JAZF1: variants seen among roughly 807,000 people sequenced by gnomAD.
JAZF1 encodes the protein juxtaposed with another zinc finger protein 1.
JAZF1 carries 8 observed loss-of-function variants against 26.4 expected under a neutral mutation model. The observed-to-expected ratio is 0.30, with a 90% CI of 0.18 to 0.55. JAZF1 has a LOEUF of 0.55. Ranked by LOEUF, JAZF1 falls within the 20% of genes least tolerant of loss-of-function variation. The pLI is 0.94. For synonymous variants in JAZF1, 126 were observed against 122.3 expected, an observed-to-expected ratio of 1.03 and a Z score of -0.20; for missense variants, 199 against 322.0, an observed-to-expected ratio of 0.62 and a Z score of 2.92.
intron 2 of JAZF1, among the ~76,000 whole-genome samples, chr7:27,920,083 C>T (rs1784503896): frequency 6.6e-6 from 1 of 152,148 alleles, no homozygotes; most frequent in Non-Finnish European, 1.5e-5. Context: ...CAAAACTAAT[C>T]CACATTATTG....
At chr7:28,072,184 G>A (rs1453292662) in intron 1 of JAZF1, among the ~76,000 whole-genome samples, 1 of 152,180 alleles carries the variant, frequency 6.6e-6, no homozygotes, top group Non-Finnish European at 1.5e-5. Context: ...CCTTGCATCT[G>A]TTATAATTGC....
At chr7:27,918,701 T>C (rs1402094936) in intron 2 of JAZF1, among the ~76,000 whole-genome samples, 1 of 152,188 alleles carries the variant, frequency 6.6e-6, no homozygotes, top group Non-Finnish European at 1.5e-5. Flanking sequence ...TCATTAACTG[T>C]GCTTGTGGCA....
At chr7:28,060,085 T>G (rs1270604939) in intron 1 of JAZF1, among the ~76,000 whole-genome samples, 3 of 152,224 alleles carry the variant, frequency 2.0e-5, no homozygotes, top group Non-Finnish European at 4.4e-5. Context: ...TCTCCTAGCT[T>G]ATTAATTCTT....
chr7:27,887,861 A>AATAAGTGGCTGC (rs1783896479), intron 3 of JAZF1, among the ~76,000 whole-genome samples: 2 of 152,342 alleles, frequency 1.3e-5, no homozygotes, highest in South Asian at 4.1e-4. Flanking sequence ...AGAGATTAAA[A>AATAAGTGGCTGC]ATAAGTGGCT....
intron 2 of JAZF1, among the ~76,000 whole-genome samples, chr7:27,910,004 G>A (rs1443925974): frequency 2.0e-5 from 3 of 152,214 alleles, no homozygotes; most frequent in Middle Eastern, 3.4e-3. Context: ...ATAACCGCAG[G>A]GACACAACAC....
intron 1 of JAZF1, among the ~76,000 whole-genome samples, chr7:28,117,064 T>G (rs1227317876): frequency 1.3e-5 from 2 of 152,204 alleles, no homozygotes; most frequent in Non-Finnish European, 2.9e-5. Flanking sequence ...CCTCAGATGA[T>G]CCACCCGCCT....
At chr7:28,137,680 T>G (rs1333142654) in intron 1 of JAZF1, among the ~76,000 whole-genome samples, 1 of 152,150 alleles carries the variant, frequency 6.6e-6, no homozygotes, top group African/African-American at 2.4e-5. Flanking sequence ...TCTCCACAGA[T>G]GCCGTTTCTT....
chr7:28,145,528 A>T (rs1783014564), intron 1 of JAZF1, among the ~76,000 whole-genome samples: 1 of 152,218 alleles, frequency 6.6e-6, no homozygotes, highest in Non-Finnish European at 1.5e-5. Flanking sequence ...GCATCCAACA[A>T]ATAATAACAA....
chr7:27,991,363 C>A (rs751267013), intron 2 of JAZF1, among the ~76,000 whole-genome samples: 2 of 152,124 alleles, frequency 1.3e-5, no homozygotes, highest in Non-Finnish European at 2.9e-5. Context: ...CTCTTTTAGA[C>A]CTGATATATC....
chr7:28,069,839 C>T (rs1019009452), intron 1 of JAZF1, among the ~76,000 whole-genome samples: 1 of 152,114 alleles, frequency 6.6e-6, no homozygotes, highest in African/African-American at 2.4e-5. Flanking sequence ...ACTCATGCCC[C>T]CAAGTTTGAA....
At chr7:28,060,611 A>T (rs1187667167) in intron 1 of JAZF1, among the ~76,000 whole-genome samples, 1 of 152,138 alleles carries the variant, frequency 6.6e-6, no homozygotes, top group African/African-American at 2.4e-5. Flanking sequence ...GAGGAGATTT[A>T]TTTTTTGCTC....
At chr7:28,067,729 T>C (rs745929817) in intron 1 of JAZF1, among the ~76,000 whole-genome samples, 2 of 152,184 alleles carry the variant, frequency 1.3e-5, no homozygotes, top group Non-Finnish European at 2.9e-5. Context: ...TAAATCTCAG[T>C]GTCAAAATAG....
chr7:27,993,974 C>T (rs1271954002), intron 1 of JAZF1, among the ~76,000 whole-genome samples: 1 of 152,074 alleles, frequency 6.6e-6, no homozygotes. Flanking sequence ...ACTGACATTC[C>T]CCAACCTAAC....
intron 1 of JAZF1, among the ~76,000 whole-genome samples, chr7:28,013,296 T>C (rs1222762301): frequency 6.6e-6 from 1 of 152,250 alleles, no homozygotes; most frequent in East Asian, 1.9e-4. Context: ...GAACCAGACC[T>C]AGCATAGGGC....
chr7:27,905,822 T>A (rs73685851), intron 2 of JAZF1, among the ~76,000 whole-genome samples: 8,030 of 152,218 alleles, frequency 0.053, 452 homozygotes, highest in African/African-American at 0.14. Flanking sequence ...AGAAAGGCTT[T>A]CTTGAGAAAG....
At chr7:27,875,192 A>G (rs1309637989) in intron 3 of JAZF1, among the ~76,000 whole-genome samples, 1 of 152,082 alleles carries the variant, frequency 6.6e-6, no homozygotes, top group Non-Finnish European at 1.5e-5. Flanking sequence ...GCTGCCTGGG[A>G]GTCTTTCTCT....
chr7:27,997,042 A>G (rs1042748716), intron 1 of JAZF1, among the ~76,000 whole-genome samples: 2 of 152,234 alleles, frequency 1.3e-5, no homozygotes, highest in Non-Finnish European at 2.9e-5. Context: ...GCATCAGGAA[A>G]TAAGTTATTT....
chr7:28,020,462 C>T (rs1024664172), intron 1 of JAZF1: 1 of 406,370 alleles, frequency 2.5e-6, no homozygotes, highest in Non-Finnish European at 5.1e-6. Context: ...TCCACGGTGC[C>T]TTCTCCTCCT....
At chr7:27,856,483 C>T (rs1186966701) in intron 3 of JAZF1, among the ~76,000 whole-genome samples, 2 of 152,186 alleles carry the variant, frequency 1.3e-5, no homozygotes, top group Non-Finnish European at 2.9e-5. Context: ...TTCAGGCAGC[C>T]TGCTTTTATT....
Sources: gnomAD v4.1 joint callset for allele counts (sites outside exome capture counted in the v4.1 genomes callset) on GRCh38, gnomAD v4.1.1 for gene constraint, MANE v1.5 for transcripts, NCBI Gene and HGNC (gene_info 2026-07-23, HGNC 2026-07-21) for gene names.